Variants in STX1A observed in about 807,000 individuals in gnomAD.
The protein encoded by STX1A is syntaxin-1A.
Under a neutral mutation model 37.8 loss-of-function variants are expected in STX1A, and 4 were observed. That is an observed-to-expected ratio of 0.11 (90% CI 0.05 to 0.24). The LOEUF is 0.24. Ranked by LOEUF, STX1A falls within the 10% of genes least tolerant of loss-of-function variation. The pLI is 1.00. For synonymous variants in STX1A, 135 were observed against 147.4 expected, an observed-to-expected ratio of 0.92 and a Z score of 0.61; for missense variants, 251 against 399.9, an observed-to-expected ratio of 0.63 and a Z score of 3.18.
chr7:73,707,936 A>C (rs1216638392), intron 3 of STX1A, among the ~76,000 whole-genome samples: 14 of 104,002 alleles, frequency 1.3e-4, no homozygotes, highest in Non-Finnish European at 3.1e-4. Flanking sequence ...CTCCGTCTTG[A>C]AAAAAAAAAA....
chr7:73,704,790 G>T (rs1554616582), intron 4 of STX1A: 2 of 505,788 alleles, frequency 4.0e-6, no homozygotes, highest in African/African-American at 1.9e-5. Flanking sequence ...ATGTGGCCCC[G>T]AGGCCTTGGC....
At chr7:73,712,034 G>A (rs191654740) in intron 1 of STX1A, among the ~76,000 whole-genome samples, 12 of 152,206 alleles carry the variant, frequency 7.9e-5, no homozygotes, top group Non-Finnish European at 1.6e-4. Flanking sequence ...TGGACCCTCC[G>A]TCTATGAGGG....
intron 1 of STX1A, among the ~76,000 whole-genome samples, chr7:73,716,115 C>G (rs974328693): frequency 6.6e-6 from 1 of 152,220 alleles, no homozygotes; most frequent in African/African-American, 2.4e-5. Context: ...ACTAGATGGT[C>G]CCGGGAGGCC....
chr7:73,704,867 G>A (rs2116739111), intron 4 of STX1A: 1 of 554,860 alleles, frequency 1.8e-6, no homozygotes, highest in Middle Eastern at 4.9e-4. Flanking sequence ...GGAAGTACTG[G>A]CCACTTCTTC....
chr7:73,708,827 G>C, intron 2 of STX1A, 139 bp from the exon 3 acceptor site: 2 of 960,652 alleles, frequency 2.1e-6, no homozygotes, highest in Admixed American at 4.2e-5. Context: ...GTGCAGTGGG[G>C]GTGCATCCTT....
At chr7:73,708,511 C>A in intron 3 of STX1A, 78 bp downstream of exon 3, 1 of 1,397,618 alleles carries the variant, frequency 7.2e-7, no homozygotes, top group Non-Finnish European at 9.9e-7. Flanking sequence ...CTGCAGAGGT[C>A]CCGTGAGGCC....
In STX1A at chr7:73,700,149, TC is replaced by T; in HGVS notation, c.*257del. ...CCCTGGCGGCCCTGCCTGGGTCTGC[TC>T]CTCGCTGTGCACACTGCATCACGCC... On this transcript the variant is annotated 3_prime_UTR_variant, in exon 10 of 10. Transcript: ENST00000222812. The surrounding 1 kb of genome is among the most constrained non-coding windows in gnomAD (Gnocchi z 4.4). The T allele has an allele frequency of 1.8e-6, 1 of 559,894 alleles. No homozygotes were observed. The highest frequency in any genetic ancestry group is 3.2e-6 in the Non-Finnish European group (1 of 312,266). 34.7% of individuals were successfully genotyped at this position (559,894 alleles called of 1,614,324 possible).
chr7:73,714,775 T>A (rs73364308), intron 1 of STX1A, among the ~76,000 whole-genome samples: 1 of 145,540 alleles, frequency 6.9e-6, no homozygotes, highest in Non-Finnish European at 1.5e-5. Context: ...TTGGGGGGGT[T>A]AAAAAAAAAA....
chr7:73,716,802 G>A (rs1554618751), intron 1 of STX1A: 1 of 152,394 alleles, frequency 6.6e-6, no homozygotes, highest in African/African-American at 2.4e-5. Flanking sequence ...TCCCCAGGAA[G>A]AAAATCAGGG....
chr7:73,703,843 G>A lies in STX1A; in HGVS notation c.467-15C>T, dbSNP rs782769764. ...GGTCCTGCCGGCTGCAAGCGAGTGGGGTCACACTGAGCCCAGCCCTCTTCG... is the reference window on the plus strand; with the variant it reads ...GGTCCTGCCGGCTGCAAGCGAGTGGAGTCACACTGAGCCCAGCCCTCTTCG... On this transcript the variant is annotated splice_polypyrimidine_tract_variant and intron_variant, in intron 6 of 9. Coordinates refer to ENST00000222812, the MANE Select transcript of STX1A (RefSeq NM_004603.4). 10 of 1,612,062 alleles carry A rather than the reference G, an allele frequency of 6.2e-6. No homozygotes were observed. In the Admixed American group the frequency reaches 1.3e-4, roughly 22 times the overall value.
rs4504524 is a variant in STX1A, at chr7:73,700,047, C to G, written c.*360G>C. ...GAGGACAGGGCAGGTCAGCTGGAGG[C>G]GAGGTTAGGGTCCCCAGGGAAGAGC... On this transcript the variant is annotated 3_prime_UTR_variant, in exon 10 of 10. Coordinates refer to ENST00000222812, the MANE Select transcript of STX1A (RefSeq NM_004603.4). The surrounding 1 kb of genome is among the most constrained non-coding windows in gnomAD (Gnocchi z 4.4). The G allele has an allele frequency of 0.044, 15,644 of 354,132 alleles. 1,968 individuals carry two copies. Among genetic ancestry groups the G allele is most frequent in the East Asian group, 0.4 (6,124 of 15,278 alleles). The allele number at this position is 354,132 out of a possible 1,614,324, so 21.9% of individuals were successfully genotyped here. A position where few individuals can be genotyped will look rare whatever the true frequency, so the allele number is the denominator to read the frequency against.
chr7:73,707,238 G>A (rs1358756719), intron 3 of STX1A, among the ~76,000 whole-genome samples: 1 of 152,216 alleles, frequency 6.6e-6, no homozygotes, highest in Non-Finnish European at 1.5e-5. Flanking sequence ...TCTCAGTGTA[G>A]TAAACAACAT....
At position 73,704,171 on chromosome 7, in the gene STX1A, C is replaced by T. The variant is rs1554616419; in HGVS notation, c.443G>A (p.Arg148His). The T allele has an allele frequency of 6.2e-7, 1 of 1,609,912 alleles. No homozygotes were observed. The highest frequency in any genetic ancestry group is 8.5e-7 in the Non-Finnish European group (1 of 1,179,324). Residue 148 changes from arginine (R) to histidine (H), a missense_variant, in exon 6 of 10, where the codon CGC (arginine) becomes CAC (histidine). Physicochemically the swap from Arg to His is conservative, Grantham distance 29. Around this residue, in one of 2 missense-constraint regions of STX1A, gnomAD observed 214 missense variants for 367.6 expected, o/e 0.58. Coordinates refer to ENST00000222812, the MANE Select transcript of STX1A (RefSeq NM_004603.4). The stretch of plus-strand genomic sequence containing the variant: ...ACTGATCTCCAGCTGCCTCTGGATG[C>T]GGCCTTTGCAGCGCTCGCGGTAGTC... ...QSDYRERCKGRIQRQLEITGR... is the reference protein window; with the variant it reads ...QSDYRERCKGHIQRQLEITGR...
At chr7:73,708,844 C>T (rs1798987223) in intron 2 of STX1A, among the ~76,000 whole-genome samples, 156 bp from the exon 3 acceptor site, 1 of 152,090 alleles carries the variant, frequency 6.6e-6, no homozygotes, top group Admixed American at 6.5e-5. Context: ...CCTTCCAGAC[C>T]CAGATGGGGA....
Position 73,705,386 on chromosome 7 carries a change from A to G in STX1A, c.209-162T>C, listed in dbSNP as rs946893140. 6.5e-6 allele frequency: 4 copies of G among 616,780 alleles called. No individual in the cohort carries two copies. The highest frequency in any genetic ancestry group is 5.6e-5 in the African/African-American group (3 of 53,848). 38.2% of individuals were successfully genotyped at this position (616,780 alleles called of 1,614,324 possible). On this transcript the variant is annotated intron_variant, in intron 3 of 9. Transcript: ENST00000222812. This position sits in a 1 kb window ranked among gnomAD's most constrained non-coding sequence, Gnocchi z 5.2. The stretch of plus-strand genomic sequence containing the variant: ...TCTGCCTGCCCGCCCCCCTCCCCCA[A>G]TTCTGGGCCAGGGCTGCACCAGCTG...
rs1057304299 is a variant in STX1A, at chr7:73,706,913, G to A, written c.208+1676C>T. ...CTCTCTCCCTCCTGCCCTTCCTGAG[G>A]CAGTCCACCCTGCTCCCACCTGACC... is the stretch of plus-strand genomic sequence containing the variant. On this transcript the variant is annotated intron_variant, in intron 3 of 9. Coordinates refer to ENST00000222812, the MANE Select transcript of STX1A (RefSeq NM_004603.4). This position sits in a 1 kb window ranked among gnomAD's most constrained non-coding sequence, Gnocchi z 4.6. 2.6e-5 allele frequency among the ~76,000 whole-genome samples: 4 copies of A among 152,174 alleles called. No individual in the cohort carries two copies. Among genetic ancestry groups the A allele is most frequent in the African/African-American group, 9.7e-5 (4 of 41,442 alleles).
chr7:73,701,008 A>G, intron 8 of STX1A, 168 bp from the exon 9 acceptor site: 2 of 1,347,956 alleles, frequency 1.5e-6, no homozygotes, highest in Non-Finnish European at 2.0e-6. Context: ...TGGGGTGTAG[A>G]GGGCCAGGCA....
At chr7:73,718,130 C>T (rs782602264) in intron 1 of STX1A, among the ~76,000 whole-genome samples, 2 of 152,298 alleles carry the variant, frequency 1.3e-5, no homozygotes, top group Middle Eastern at 3.4e-3. Flanking sequence ...TCTGACTCAA[C>T]GGAGCTCAGG....
chr7:73,716,308 A>G (rs1799288229), intron 1 of STX1A, among the ~76,000 whole-genome samples: 1 of 152,254 alleles, frequency 6.6e-6, no homozygotes, highest in South Asian at 2.1e-4. Context: ...AAATGAGCAG[A>G]GGGAGATTAA....
Sources: allele counts gnomAD v4.1 joint callset (sites outside exome capture counted in the v4.1 genomes callset), GRCh38; gene constraint gnomAD v4.1.1; regional missense constraint gnomAD v4.1.1; non-coding constraint Gnocchi (gnomAD v3.1); transcripts MANE v1.5; gene names NCBI Gene and HGNC (gene_info 2026-07-23, HGNC 2026-07-21).